The following PTPRG variants were observed in gnomAD, a reference collection of about 807,000 sequenced individuals.
The protein encoded by PTPRG is protein tyrosine phosphatase receptor type G.
Under a neutral mutation model 165.3 loss-of-function variants are expected in PTPRG, and 102 were observed. That is an observed-to-expected ratio of 0.62 (90% confidence interval 0.53 to 0.73). The LOEUF is 0.73. Among genes scored for constraint, PTPRG ranks in the 30% least tolerant of loss-of-function variants. The pLI is 0.00. For synonymous variants in PTPRG, 675 were observed against 669.5 expected (o/e 1.01, Z -0.13); for missense variants, 1,866 against 1,861.4 (o/e 1.00, Z -0.05).
chr3:61,682,920 A>T (rs1194123079), intron 1 of PTPRG, among the ~76,000 whole-genome samples: 1 of 152,256 alleles, frequency 6.6e-6, no homozygotes, highest in Non-Finnish European at 1.5e-5. Flanking sequence ...CAAGGGGAAG[A>T]CAAAGCTGAA....
chr3:61,577,118 G>A (rs187547513), intron 1 of PTPRG, among the ~76,000 whole-genome samples: 1 of 152,146 alleles, frequency 6.6e-6, no homozygotes, highest in African/African-American at 2.4e-5. Flanking sequence ...TAAGTTGATT[G>A]TTACCTTTAG....
intron 1 of PTPRG, among the ~76,000 whole-genome samples, chr3:61,724,681 G>A (rs1001779088): frequency 2.6e-5 from 4 of 151,754 alleles, no homozygotes; most frequent in African/African-American, 7.3e-5. Flanking sequence ...TTATTTTAGC[G>A]ATTCTGATAG....
At chr3:61,956,751 C>T (rs895855112) in intron 2 of PTPRG, among the ~76,000 whole-genome samples, 3 of 152,152 alleles carry the variant, frequency 2.0e-5, no homozygotes, top group African/African-American at 7.2e-5. Flanking sequence ...TGATCAAGTA[C>T]AATTACATAC....
At chr3:61,883,324 G>T (rs559631348) in intron 2 of PTPRG, among the ~76,000 whole-genome samples, 3 of 152,188 alleles carry the variant, frequency 2.0e-5, no homozygotes, top group South Asian at 4.1e-4. Flanking sequence ...TACTGGGGAG[G>T]CTCCTGATGT....
intron 28 of PTPRG, among the ~76,000 whole-genome samples, chr3:62,289,222 C>A (rs1702781737): frequency 6.6e-6 from 1 of 152,112 alleles, no homozygotes; most frequent in Non-Finnish European, 1.5e-5. Flanking sequence ...AATACTGGTA[C>A]CCATACCATA....
At chr3:62,165,361 G>C (rs1704930609) in intron 7 of PTPRG, among the ~76,000 whole-genome samples, 1 of 152,172 alleles carries the variant, frequency 6.6e-6, no homozygotes, top group African/African-American at 2.4e-5. Context: ...GATGCATTCA[G>C]TTCTGACTTT....
intron 4 of PTPRG, among the ~76,000 whole-genome samples, chr3:62,039,971 A>T (rs1700073217): frequency 6.6e-6 from 1 of 152,248 alleles, no homozygotes; most frequent in Non-Finnish European, 1.5e-5. Flanking sequence ...CATTAAATAG[A>T]TTTAATAAGA....
At chr3:61,688,270 A>G (rs1175921546) in intron 1 of PTPRG, among the ~76,000 whole-genome samples, 2 of 152,104 alleles carry the variant, frequency 1.3e-5, no homozygotes, top group Non-Finnish European at 2.9e-5. Context: ...TGCCCTGGAG[A>G]ATTGTTTCGG....
intron 2 of PTPRG, among the ~76,000 whole-genome samples, chr3:61,831,084 A>G (rs141610864): frequency 1.2e-3 from 186 of 152,332 alleles, no homozygotes; most frequent in African/African-American, 3.9e-3. Flanking sequence ...TCAGTGATGG[A>G]CATTTAGCTG....
chr3:62,094,321 C>T (rs1043274716), intron 5 of PTPRG, among the ~76,000 whole-genome samples: 1 of 152,180 alleles, frequency 6.6e-6, no homozygotes, highest in Non-Finnish European at 1.5e-5. Context: ...TGGTCATCAT[C>T]CCTTGGTGGG....
At chr3:61,703,201 T>C (rs1395850324) in intron 1 of PTPRG, among the ~76,000 whole-genome samples, 1 of 152,022 alleles carries the variant, frequency 6.6e-6, no homozygotes, top group Non-Finnish European at 1.5e-5. Context: ...CACTTTAAGA[T>C]GGTTCTTAGC....
intron 2 of PTPRG, among the ~76,000 whole-genome samples, chr3:61,842,193 G>A (rs1345049293): frequency 6.6e-6 from 1 of 152,160 alleles, no homozygotes; most frequent in African/African-American, 2.4e-5. Flanking sequence ...AACAGCCAAG[G>A]TTAGCAACCT....
At chr3:61,604,192 T>A (rs920003822) in intron 1 of PTPRG, among the ~76,000 whole-genome samples, 1 of 152,144 alleles carries the variant, frequency 6.6e-6, no homozygotes, top group African/African-American at 2.4e-5. Context: ...GGCATAGTGG[T>A]GGGCACCTGT....
chr3:62,151,324 G>T (rs1168199553), intron 6 of PTPRG, among the ~76,000 whole-genome samples: 1 of 152,020 alleles, frequency 6.6e-6, no homozygotes, highest in East Asian at 1.9e-4. Context: ...TTCAAATAAG[G>T]TATTTCTTTT....
At chr3:61,848,396 T>G (rs868284825) in intron 2 of PTPRG, among the ~76,000 whole-genome samples, 1 of 152,248 alleles carries the variant, frequency 6.6e-6, no homozygotes, top group African/African-American at 2.4e-5. Context: ...CAGCCCATTT[T>G]GGCCCTGAAA....
chr3:62,277,469 T>C, intron 25 of PTPRG, 82 bp from the exon 26 acceptor site: 1 of 1,464,214 alleles, frequency 6.8e-7, no homozygotes, highest in Non-Finnish European at 9.4e-7. Context: ...AGTGCTATCT[T>C]ATTTCATGAA....
Position 62,190,102 on chromosome 3 carries a change from G to T in PTPRG, c.1034-1367G>T, listed in dbSNP as rs1259220571. Among the ~76,000 whole-genome samples the T allele has an allele frequency of 6.6e-6, 1 of 152,180 alleles. No individual in the cohort carries two copies. Among genetic ancestry groups the T allele is most frequent in the African/African-American group, 2.4e-5 (1 of 41,444 alleles). ...CGTGCAGTGATGGCTCTGCGCATGG[G>T]ATTCTTTGGTGAGCCTCCATCTCTT... On this transcript the variant is annotated intron_variant, in intron 8 of 29. Coordinates refer to ENST00000474889, the MANE Select transcript of PTPRG (RefSeq NM_002841.4). This position sits in a 1 kb window ranked among gnomAD's most constrained non-coding sequence, Gnocchi z 5.2.
intron 1 of PTPRG, among the ~76,000 whole-genome samples, chr3:61,695,424 T>C (rs2030514448): frequency 6.6e-6 from 1 of 152,190 alleles, no homozygotes; most frequent in Non-Finnish European, 1.5e-5. Context: ...TGGACCACCA[T>C]TGGTTAGGGT....
intron 2 of PTPRG, among the ~76,000 whole-genome samples, chr3:61,842,850 A>G (rs765779094): frequency 6.6e-6 from 1 of 152,196 alleles, no homozygotes; most frequent in African/African-American, 2.4e-5. Flanking sequence ...AGGGGAGCAT[A>G]CTGACTCACC....
Sources: gnomAD v4.1 joint callset for allele counts (sites outside exome capture counted in the v4.1 genomes callset) on GRCh38, gnomAD v4.1.1 for gene constraint, Gnocchi (gnomAD v3.1) non-coding constraint, MANE v1.5 for transcripts, NCBI Gene and HGNC (gene_info 2026-07-23, HGNC 2026-07-21) for gene names.